The following DNAH8 variants were observed in gnomAD, a reference collection of about 807,000 sequenced individuals.
DNAH8 encodes dynein axonemal heavy chain 8.
A neutral mutation model predicts 562.1 loss-of-function variants in DNAH8; 382 were observed. That is an observed-to-expected ratio of 0.68 (90% CI 0.63 to 0.74). DNAH8 has a LOEUF of 0.74. Ranked by LOEUF, DNAH8 falls within the 30% of genes least tolerant of loss-of-function variation. The pLI is 0.00. For synonymous variants in DNAH8, 1,881 were observed against 1,919.4 expected (o/e 0.98, Z 0.52); for missense variants, 5,203 against 5,620.4 (o/e 0.93, Z 2.37).
chr6:38,931,889 T>C lies in DNAH8; in HGVS notation c.11353T>C (p.Phe3785Leu), dbSNP rs1782574119. Residue 3785 changes from phenylalanine (F) to leucine (L), a missense_variant, in exon 76 of 93, where the codon TTT becomes CTT. Phe to Leu is a conservative substitution (Grantham distance 22). Transcript: ENST00000327475. ...YITTKLPNPAFTPEINAKTSV... is the reference protein window; with the variant it reads ...YITTKLPNPALTPEINAKTSV... ...TACTACGAAGTTACCAAATCCTGCC[T>C]TTACCCCAGAGATTAATGCTAAAAC... 5 of 1,611,750 alleles carry C rather than the reference T, an allele frequency of 3.1e-6. No homozygotes were observed. Among genetic ancestry groups the C allele is most frequent in the Non-Finnish European group, 2.5e-6 (3 of 1,179,020 alleles).
intron 76 of DNAH8, among the ~76,000 whole-genome samples, chr6:38,935,368 T>G (rs1187988735): frequency 6.6e-6 from 1 of 152,204 alleles, no homozygotes; most frequent in African/African-American, 2.4e-5. Context: ...CCTGCCAGTA[T>G]AAGTGCTGTG....
At chr6:38,976,910 A>C (rs759763293) in intron 85 of DNAH8, among the ~76,000 whole-genome samples, 2 of 152,202 alleles carry the variant, frequency 1.3e-5, no homozygotes, top group African/African-American at 4.8e-5. Context: ...AGAGGGGTTC[A>C]TGCTGGAGTT....
rs150116079 is a variant in DNAH8, at chr6:38,934,444, G to A, written c.11458-1148G>A. Among the ~76,000 whole-genome samples the A allele has an allele frequency of 1.5e-3, 221 of 152,196 alleles. 1 individual carries two copies. The highest frequency in any genetic ancestry group is 5.1e-3 in the African/African-American group (212 of 41,508). On this transcript the variant is annotated intron_variant, in intron 76 of 92. Transcript: ENST00000327475. ...AACAAACTACATTAGATGTACAGATGAAGGCTGTGCCATGGCTTTTGATTG... is the reference window on the plus strand; with the variant it reads ...AACAAACTACATTAGATGTACAGATAAAGGCTGTGCCATGGCTTTTGATTG...
At chr6:39,008,617 A>G (rs571395121) in intron 88 of DNAH8, among the ~76,000 whole-genome samples, 197 bp from the exon 89 acceptor site, 1 of 138,004 alleles carries the variant, frequency 7.2e-6, no homozygotes, top group Non-Finnish European at 1.7e-5. Context: ...GATGTTCTTG[A>G]TGTCCTATTA....
chr6:38,986,572 G>C (rs1280860856), intron 87 of DNAH8, among the ~76,000 whole-genome samples: 1 of 146,516 alleles, frequency 6.8e-6, no homozygotes, highest in Admixed American at 6.7e-5. Context: ...AGATTCAAAG[G>C]AGAAAAAAAA....
intron 12 of DNAH8, among the ~76,000 whole-genome samples, chr6:38,772,098 G>A (rs149375744): frequency 0.033 from 4,773 of 146,058 alleles, 244 homozygotes; most frequent in African/African-American, 0.11. Context: ...GCGTGATCTC[G>A]GCTCACTGCA....
chr6:38,880,602 T>C (rs1038384445), intron 53 of DNAH8, among the ~76,000 whole-genome samples: 6 of 152,180 alleles, frequency 3.9e-5, no homozygotes, highest in Non-Finnish European at 8.8e-5. Context: ...TAACTATCAA[T>C]AGGCAACCAA....
At chr6:38,878,409 T>C (rs941128397) in intron 53 of DNAH8, among the ~76,000 whole-genome samples, 1 of 152,074 alleles carries the variant, frequency 6.6e-6, no homozygotes, top group African/African-American at 2.4e-5. Context: ...AACTTCTTCC[T>C]TAATAAGTTA....
chr6:38,886,236 T>C (rs963695785), intron 56 of DNAH8, among the ~76,000 whole-genome samples: 3 of 151,786 alleles, frequency 2.0e-5, no homozygotes, highest in African/African-American at 4.8e-5. Flanking sequence ...TAGGAAGTGA[T>C]CCCAGAGCCC....
rs1359711320 is a variant in DNAH8, at chr6:38,734,939, T to C, written c.762+314T>C. Among the ~76,000 whole-genome samples, 7 of 152,186 alleles carry C rather than the reference T, an allele frequency of 4.6e-5. No homozygotes were observed. The South Asian group carries it at 1.2e-3, about 27-fold the overall frequency. On this transcript the variant is annotated intron_variant, in intron 5 of 92. Coordinates refer to ENST00000327475, the MANE Select transcript of DNAH8 (RefSeq NM_001206927.2). The stretch of plus-strand genomic sequence containing the variant: ...CCTCTTCACTCAATATTTTAACTCT[T>C]TTATAGTTTTAAAAGAAGAAGGGAG...
intron 40 of DNAH8, 71 bp from the exon 41 acceptor site, chr6:38,853,115 A>G (rs1467409183): frequency 8.6e-7 from 1 of 1,166,056 alleles, no homozygotes; most frequent in Non-Finnish European, 1.2e-6. Context: ...TGATTTATTA[A>G]GTGTGCATGG....
In DNAH8 at chr6:39,007,151, T is replaced by C. The variant is rs559944046; in HGVS notation, c.13215-1663T>C. Among the ~76,000 whole-genome samples, 12 of 152,326 alleles carry C rather than the reference T, an allele frequency of 7.9e-5. No homozygotes were observed. The South Asian group carries it at 2.5e-3, about 32-fold the overall frequency. On this transcript the variant is annotated intron_variant, in intron 88 of 92. Transcript: ENST00000327475. ...TTTTTCATATCTTCTCCAGAAGTTT[T>C]AGTTGTTTCAGAAGGGTGGTTCACA...
intron 33 of DNAH8, among the ~76,000 whole-genome samples, chr6:38,838,865 C>T (rs1242441881): frequency 1.3e-5 from 2 of 152,270 alleles, no homozygotes; most frequent in East Asian, 1.9e-4. Flanking sequence ...TGAAATATAA[C>T]TTTCCTTAAA....
intron 63 of DNAH8, among the ~76,000 whole-genome samples, chr6:38,907,622 G>A (rs1017191357): frequency 6.6e-6 from 1 of 152,194 alleles, no homozygotes; most frequent in Non-Finnish European, 1.5e-5. Context: ...AATTAGTTAA[G>A]TATTTTGGAG....
At chr6:38,971,952 A>C in intron 83 of DNAH8, 1 of 265,980 alleles carries the variant, frequency 3.8e-6, no homozygotes, top group South Asian at 1.3e-4. Flanking sequence ...GCAGTCTTGG[A>C]ATTTCATGAT....
In DNAH8 at chr6:38,741,868, C is replaced by T. The variant is rs368095177; in HGVS notation, c.1274C>T (p.Ala425Val). The change falls in exon 8 of 93, where the codon GCA becomes GTA. Residue 425 changes from alanine (A) to valine (V), a missense_variant. By Grantham distance (64) the Ala-to-Val change is moderately conservative (BLOSUM62 0). Around this residue, in one of 6 missense-constraint regions of DNAH8, gnomAD observed 2,176 missense variants for 2,365.1 expected, o/e 0.92. Transcript: ENST00000327475. ...GCTGTCATAAATGTGCTAAATGTTG[C>T]ACACTCCAAACTGCTAAAGGTAAAA... is the stretch of plus-strand genomic sequence containing the variant. ...CKAVINVLNV[A>V]HSKLLKNWRD... The T allele has an allele frequency of 9.9e-6, 16 of 1,612,962 alleles. No homozygotes were observed. In the Admixed American group the frequency reaches 2.3e-4, roughly 24 times the overall value.
chr6:38,795,111 T>C (rs1770105974), intron 21 of DNAH8, among the ~76,000 whole-genome samples: 1 of 152,220 alleles, frequency 6.6e-6, no homozygotes, highest in African/African-American at 2.4e-5. Flanking sequence ...TGATAAAATA[T>C]ACTAACATAG....
intron 91 of DNAH8, among the ~76,000 whole-genome samples, chr6:39,019,113 G>A (rs1766740470): frequency 6.6e-6 from 1 of 152,112 alleles, no homozygotes; most frequent in African/African-American, 2.4e-5. Flanking sequence ...GAAGGAGAGA[G>A]AAAGATAGAA....
In DNAH8 at chr6:39,012,554, T is replaced by G; in HGVS notation, c.13631T>G (p.Leu4544Trp). 1 of 1,614,098 alleles carries G rather than the reference T, an allele frequency of 6.2e-7. No homozygotes were observed. The highest frequency in any genetic ancestry group is 8.5e-7 in the Non-Finnish European group (1 of 1,179,932). ...STLGFWFTEL[L>W]ERNAQFSTWI... is the part of the protein sequence containing the mutation. Reference sequence around the variant, plus strand: ...CTGGGCTTCTGGTTCACTGAACTTTTGGAAAGAAATGCTCAGTTTTCTACG... The same window carrying G: ...CTGGGCTTCTGGTTCACTGAACTTTGGGAAAGAAATGCTCAGTTTTCTACG... The change falls in exon 91 of 93, where the codon TTG (leucine) becomes TGG (tryptophan). Residue 4544 changes from leucine to tryptophan, a missense_variant. By Grantham distance (61) the Leu-to-Trp change is moderately conservative (BLOSUM62 -2). Transcript: ENST00000327475.
Sources: allele counts gnomAD v4.1 joint callset (sites outside exome capture counted in the v4.1 genomes callset), GRCh38; gene constraint gnomAD v4.1.1; regional missense constraint gnomAD v4.1.1; transcripts MANE v1.5; gene names NCBI Gene and HGNC (gene_info 2026-07-23, HGNC 2026-07-21).